Variants in BAALC observed in about 807,000 individuals in gnomAD.
BAALC encodes brain and acute leukemia cytoplasmic protein.
In BAALC, 9 loss-of-function variants were observed where a neutral mutation model predicts 15.5. That is an observed-to-expected ratio of 0.58 (90% CI 0.35 to 1.02). BAALC has a LOEUF of 1.02. BAALC is among the 50% of genes least tolerant of loss of function. The probability of loss-of-function intolerance (pLI) is 0.02; values close to 1 mark genes in which losing one functional copy is unlikely to be tolerated. For synonymous variants in BAALC, 80 were observed against 74.6 expected (o/e 1.07, Z -0.37); for missense variants, 201 against 192.4 (o/e 1.04, Z -0.27).
Position 103,158,234 on chromosome 8 carries a change from G to A in BAALC, c.160+17177G>A, listed in dbSNP as rs199654928. ...ATTTTGCTGATTGCCTCCCTGTGGT[G>A]TTGTTTAAAATGTTGCTATATTCAG... On this transcript the variant is annotated intron_variant, in intron 1 of 2. Transcript: ENST00000309982. 2.0e-5 allele frequency among the ~76,000 whole-genome samples: 3 copies of A among 152,230 alleles called. No homozygotes were observed. The East Asian group carries it at 5.8e-4, about 29-fold the overall frequency.
rs571943560 is a variant in BAALC at position 103,223,665 on chromosome 8, A to C, written c.328-4324A>C. Among the ~76,000 whole-genome samples, 353 of 152,260 alleles carry C rather than the reference A, an allele frequency of 2.3e-3. 4 individuals are homozygous for C. Among genetic ancestry groups the C allele is most frequent in the African/African-American group, 8.2e-3 (341 of 41,536 alleles). On this transcript the variant is annotated intron_variant, in intron 2 of 2. Coordinates refer to ENST00000309982, the MANE Select transcript of BAALC (RefSeq NM_024812.3). ...TATATCTGTGGCTGTTATAGGAATGACTACTTTGTAGCCTCTTAAATAGGC... is the reference window on the plus strand; with the variant it reads ...TATATCTGTGGCTGTTATAGGAATGCCTACTTTGTAGCCTCTTAAATAGGC...
Position 103,140,906 on chromosome 8 carries a change from C to T in BAALC, c.9C>T (p.Cys3=), listed in dbSNP as rs747849722. The stretch of plus-strand genomic sequence containing the variant: ...TCCCGCGGCGCAGGAGGATGGGCTG[C>T]GGCGGGAGCCGGGCGGATGCCATCG... MG[C]GGSRADAIEP... is the part of the protein sequence containing the mutation. Residue 3 remains cysteine, a synonymous_variant, in exon 1 of 3, where the codon TGC becomes TGT. Coordinates refer to ENST00000309982, the MANE Select transcript of BAALC (RefSeq NM_024812.3). This position sits in a 1 kb window ranked among gnomAD's most constrained non-coding sequence, Gnocchi z 4.2. 84 of 1,513,894 alleles carry T rather than the reference C, an allele frequency of 5.5e-5. No homozygotes were observed. The highest frequency in any genetic ancestry group is 1.2e-5 in the South Asian group (1 of 81,034). The allele number at this position is 1,513,894 out of a possible 1,614,324, so 93.8% of individuals were successfully genotyped here.
chr8:103,149,041 T>C (rs1420037369), intron 1 of BAALC, among the ~76,000 whole-genome samples: 1 of 152,088 alleles, frequency 6.6e-6, no homozygotes, highest in African/African-American at 2.4e-5. Context: ...TGGGATTCAG[T>C]GAGATGAAGA....
chr8:103,183,301 T>C (rs1034701137), intron 1 of BAALC: 4 of 699,294 alleles, frequency 5.7e-6, no homozygotes, highest in Admixed American at 2.0e-5. Flanking sequence ...AAACATGGAA[T>C]GTCTTATTTC....
chr8:103,140,995 C>T lies in BAALC; in HGVS notation c.98C>T (p.Ser33Leu). ...TCCACCTGGCTCACCTACACCGACT[C>T]GGACGCGCCGCCCAGCGCCGCCGCC... ...TESTWLTYTDSDAPPSAAAPD... is the reference protein window; with the variant it reads ...TESTWLTYTDLDAPPSAAAPD... The change falls in exon 1 of 3, where the codon TCG (serine) becomes TTG (leucine). Residue 33 changes from serine (S) to leucine (L), a missense_variant. Coordinates refer to ENST00000309982, the MANE Select transcript of BAALC (RefSeq NM_024812.3). This position sits in a 1 kb window ranked among gnomAD's most constrained non-coding sequence, Gnocchi z 4.2. 3 of 1,530,022 alleles carry T rather than the reference C, an allele frequency of 2.0e-6. No individual in the cohort carries two copies. Among genetic ancestry groups the T allele is most frequent in the Non-Finnish European group, 1.8e-6 (2 of 1,139,392 alleles). The allele number at this position is 1,530,022 out of a possible 1,614,324, so 94.8% of individuals were successfully genotyped here.
intron 1 of BAALC, among the ~76,000 whole-genome samples, chr8:103,193,510 G>C (rs533409365): frequency 6.6e-6 from 1 of 152,260 alleles, no homozygotes; most frequent in East Asian, 1.9e-4. Context: ...CCTGGGAGTG[G>C]GGAACTGTGA....
chr8:103,217,464 G>GTTT (rs11384486), intron 2 of BAALC, among the ~76,000 whole-genome samples: 2 of 151,858 alleles, frequency 1.3e-5, no homozygotes, highest in Non-Finnish European at 2.9e-5. Flanking sequence ...TTGATATACT[G>GTTT]TTTTTTTCCT....
intron 1 of BAALC, among the ~76,000 whole-genome samples, chr8:103,193,037 G>A (rs1043652974): frequency 1.3e-5 from 2 of 151,888 alleles, no homozygotes; most frequent in East Asian, 3.9e-4. Flanking sequence ...TCCACGATCT[G>A]CAACCCCCTG....
At chr8:103,183,859 C>T (rs990350632) in intron 1 of BAALC, among the ~76,000 whole-genome samples, 1 of 152,294 alleles carries the variant, frequency 6.6e-6, no homozygotes, top group African/African-American at 2.4e-5. Context: ...TGGGAAACTC[C>T]CATGATGTGA....
chr8:103,145,583 A>G (rs572049192), intron 1 of BAALC, among the ~76,000 whole-genome samples: 2 of 152,338 alleles, frequency 1.3e-5, no homozygotes, highest in Admixed American at 1.3e-4. Flanking sequence ...CTCTTGGTGC[A>G]TGTAAAATCA....
chr8:103,187,057 AT>A (rs1452114162), intron 1 of BAALC, among the ~76,000 whole-genome samples: 2 of 152,034 alleles, frequency 1.3e-5, no homozygotes, highest in African/African-American at 4.8e-5. Flanking sequence ...TTCTGCTACC[AT>A]TGGGGGTCCT....
intron 1 of BAALC, among the ~76,000 whole-genome samples, chr8:103,142,612 AT>A (rs1203295640): frequency 6.6e-6 from 1 of 152,206 alleles, no homozygotes; most frequent in Non-Finnish European, 1.5e-5. Context: ...CATGAAAAAA[AT>A]AATAATAAAA....
Position 103,212,703 on chromosome 8 carries a change from T to A in BAALC, c.161-216T>A, listed in dbSNP as rs2130065769. ...GGTATAGAAAAAAGTCATCAAGGTA[T>A]CATTAAGTAAAAATTTCAGGTTACA... On this transcript the variant is annotated intron_variant, in intron 1 of 2. Transcript: ENST00000309982. Among the ~76,000 whole-genome samples, 4 of 152,318 alleles carry A rather than the reference T, an allele frequency of 2.6e-5. No individual in the cohort carries two copies. In the South Asian group the frequency reaches 8.3e-4, roughly 32 times the overall value.
rs949229719 is a variant in BAALC, at chr8:103,144,116, G to A, written c.160+3059G>A. ...TCATATCTGCTTTTAAATCTCACTT[G>A]TGTTTCTCTTAGCCCAATCCAGATT... On this transcript the variant is annotated intron_variant, in intron 1 of 2. Coordinates refer to ENST00000309982, the MANE Select transcript of BAALC (RefSeq NM_024812.3). Among the ~76,000 whole-genome samples the A allele has an allele frequency of 4.6e-5, 7 of 152,322 alleles. No individual in the cohort carries two copies. The East Asian group carries it at 1.2e-3, about 25-fold the overall frequency.
chr8:103,208,121 C>T (rs1812370616), intron 1 of BAALC: 1 of 152,250 alleles, frequency 6.6e-6, no homozygotes, highest in South Asian at 2.1e-4. Flanking sequence ...ACTCATAAAT[C>T]AGGAATGCAA....
Position 103,140,792 on chromosome 8 carries a change from T to G in BAALC, c.-106T>G. On this transcript the variant is annotated 5_prime_UTR_variant, in exon 1 of 3. An upstream start codon of the reference 5' UTR is lost. Transcript: ENST00000309982. The surrounding 1 kb of genome is among the most constrained non-coding windows in gnomAD (Gnocchi z 4.2). ...AGCGCGGGCGGGAGCGGGGACGCGA[T>G]GTCGCCGCCGCCGCCTCCTTGCGGG... 6.6e-6 allele frequency: 7 copies of G among 1,059,084 alleles called. No homozygotes were observed. The highest frequency in any genetic ancestry group is 8.4e-6 in the Non-Finnish European group (7 of 835,962). The allele number at this position is 1,059,084 out of a possible 1,614,324, so 65.6% of individuals were successfully genotyped here. A position where few individuals can be genotyped will look rare whatever the true frequency, so the allele number is the denominator to read the frequency against.
At chr8:103,166,072 C>T (rs1811338961) in intron 1 of BAALC, 1 of 152,632 alleles carries the variant, frequency 6.6e-6, no homozygotes, top group Non-Finnish European at 1.5e-5. Context: ...AGCAGGTTCT[C>T]CATTGTTCGC....
At chr8:103,141,158 C>T (rs2129839318) in intron 1 of BAALC, 101 bp downstream of exon 1, 3 of 1,294,462 alleles carry the variant, frequency 2.3e-6, no homozygotes, top group African/African-American at 1.6e-5. Flanking sequence ...ATTGATGGCG[C>T]GGCGGGGGTG....
intron 1 of BAALC, among the ~76,000 whole-genome samples, chr8:103,202,134 C>A (rs1270474855): frequency 6.6e-6 from 1 of 152,162 alleles, no homozygotes; most frequent in Non-Finnish European, 1.5e-5. Context: ...TATGTGAGAT[C>A]ATAAATGTTA....
Sources: allele counts gnomAD v4.1 joint callset (sites outside exome capture counted in the v4.1 genomes callset), GRCh38; gene constraint gnomAD v4.1.1; non-coding constraint Gnocchi (gnomAD v3.1); transcripts MANE v1.5; gene names NCBI Gene and HGNC (gene_info 2026-07-23, HGNC 2026-07-21).